Variants in CNTN3 observed in about 807,000 individuals in gnomAD.
CNTN3 encodes contactin-3.
In CNTN3, 60 loss-of-function variants were observed where a neutral mutation model predicts 119.1. That is an observed-to-expected ratio of 0.50 (90% CI 0.41 to 0.62). CNTN3 has a LOEUF of 0.62. Ranked by LOEUF, CNTN3 falls within the 20% of genes least tolerant of loss-of-function variation. The pLI, the probability that CNTN3 is intolerant of heterozygous loss-of-function variation, is 0.00. For synonymous variants in CNTN3, 450 were observed against 438.7 expected (o/e 1.03, Z -0.32); for missense variants, 1,101 against 1,242.4 (o/e 0.89, Z 1.71).
rs759480123 is a variant in CNTN3, at chr3:74,298,154, C to T, written c.2204G>A (p.Gly735Glu). Residue 735 changes from glycine (G) to glutamate (E), a missense_variant, in exon 18 of 23, where the codon GGG becomes GAG. Physicochemically the swap from Gly to Glu is moderately conservative, Grantham distance 98. Transcript: ENST00000263665. ...PEELQNGEGF[G>E]YVVAFRPLGV... ...AAGAGGGCGGAAAGCAACAACATAC[C>T]CAAAACCTTCACCATTCTGTAGTTC... The T allele has an allele frequency of 1.1e-5, 17 of 1,606,778 alleles. No homozygotes were observed. The East Asian group carries it at 3.4e-4, about 32-fold the overall frequency.
intron 16 of CNTN3, 70 bp downstream of exon 16, chr3:74,301,328 G>A (rs1197537993): frequency 6.7e-7 from 1 of 1,499,066 alleles, no homozygotes; most frequent in African/African-American, 1.4e-5. Flanking sequence ...CTGGCCTGGA[G>A]TTCAGGGCCA....
intron 13 of CNTN3, among the ~76,000 whole-genome samples, chr3:74,319,512 A>G (rs1702928217): frequency 6.6e-6 from 1 of 152,184 alleles, no homozygotes; most frequent in Admixed American, 6.5e-5. Flanking sequence ...TACAAAAATT[A>G]ATTCAAGATG....
At chr3:74,502,464 C>A (rs920333438) in intron 2 of CNTN3, among the ~76,000 whole-genome samples, 3 of 152,090 alleles carry the variant, frequency 2.0e-5, no homozygotes, top group Non-Finnish European at 4.4e-5. Flanking sequence ...CTTCTGAGAT[C>A]CTTTTGAGAG....
At chr3:74,338,886 AC>A (rs1703462651) in intron 11 of CNTN3, among the ~76,000 whole-genome samples, 1 of 152,138 alleles carries the variant, frequency 6.6e-6, no homozygotes, top group Non-Finnish European at 1.5e-5. Flanking sequence ...GGAATTAAAA[AC>A]AAAACAAAAC....
At chr3:74,286,901 C>A (rs1336454072) in intron 19 of CNTN3, among the ~76,000 whole-genome samples, 2 of 152,178 alleles carry the variant, frequency 1.3e-5, no homozygotes, top group Admixed American at 6.5e-5. Flanking sequence ...CAGGAATTAA[C>A]TGCATTTCCT....
At chr3:74,489,603 A>C (rs1702925177) in intron 3 of CNTN3, among the ~76,000 whole-genome samples, 1 of 151,546 alleles carries the variant, frequency 6.6e-6, no homozygotes, top group African/African-American at 2.4e-5. Flanking sequence ...TTTTTCCCCT[A>C]GTTTCCTAGT....
intron 11 of CNTN3, among the ~76,000 whole-genome samples, chr3:74,358,855 G>A (rs1307523683): frequency 2.1e-5 from 3 of 145,774 alleles, no homozygotes; most frequent in Non-Finnish European, 4.5e-5. Flanking sequence ...GTGAGAATAT[G>A]CGGTGTTTGG....
At chr3:74,558,761 C>G (rs1455299397) in intron 1 of CNTN3, among the ~76,000 whole-genome samples, 2 of 152,020 alleles carry the variant, frequency 1.3e-5, no homozygotes, top group Non-Finnish European at 2.9e-5. Context: ...GCAGGCAAAT[C>G]ACATGAGGCC....
At chr3:74,567,719 T>C (rs925631517) in intron 1 of CNTN3, among the ~76,000 whole-genome samples, 2 of 152,102 alleles carry the variant, frequency 1.3e-5, no homozygotes, top group Middle Eastern at 3.2e-3. Context: ...GGGTACCTGT[T>C]TTCAAGATGC....
intron 1 of CNTN3, among the ~76,000 whole-genome samples, chr3:74,557,221 C>T (rs1360578163): frequency 6.6e-6 from 1 of 151,956 alleles, no homozygotes; most frequent in Non-Finnish European, 1.5e-5. Context: ...AAATCAAGGT[C>T]CTGAAGATTT....
intron 1 of CNTN3, among the ~76,000 whole-genome samples, chr3:74,609,506 G>A (rs1705045693): frequency 6.6e-6 from 1 of 152,202 alleles, no homozygotes; most frequent in Non-Finnish European, 1.5e-5. Flanking sequence ...TGACCCCAAT[G>A]ATAGCTAAAG....
intron 20 of CNTN3, among the ~76,000 whole-genome samples, chr3:74,283,994 T>C (rs1432292730): frequency 6.6e-6 from 1 of 152,152 alleles, no homozygotes; most frequent in African/African-American, 2.4e-5. Context: ...CTTGCTAAAT[T>C]TGTGCTCTGC....
intron 1 of CNTN3, among the ~76,000 whole-genome samples, chr3:74,581,226 AC>A (rs1338665320): frequency 3.3e-5 from 5 of 152,162 alleles, no homozygotes; most frequent in South Asian, 2.1e-4. Context: ...TTTAAAAAAA[AC>A]ATAAAATCTA....
chr3:74,479,628 T>C (rs2107023810), intron 4 of CNTN3, among the ~76,000 whole-genome samples: 1 of 152,160 alleles, frequency 6.6e-6, no homozygotes, highest in Non-Finnish European at 1.5e-5. Flanking sequence ...ATGGAGGACA[T>C]GACACCCTAA....
chr3:74,423,727 A>T (rs1022267017), intron 5 of CNTN3, among the ~76,000 whole-genome samples: 2 of 152,208 alleles, frequency 1.3e-5, no homozygotes, highest in Non-Finnish European at 2.9e-5. Flanking sequence ...GCAATTATGA[A>T]CACCCTTGAA....
intron 3 of CNTN3, among the ~76,000 whole-genome samples, chr3:74,493,252 T>A (rs984596760): frequency 2.0e-5 from 3 of 152,170 alleles, no homozygotes; most frequent in African/African-American, 7.2e-5. Context: ...GGCTCTAAAT[T>A]GTGTCTTCCA....
chr3:74,565,442 T>C (rs1449313934), intron 1 of CNTN3, among the ~76,000 whole-genome samples: 1 of 152,152 alleles, frequency 6.6e-6, no homozygotes, highest in African/African-American at 2.4e-5. Flanking sequence ...GTGATCACAC[T>C]GGGCCCAAAT....
chr3:74,481,693 T>C (rs1167227904), intron 4 of CNTN3, among the ~76,000 whole-genome samples: 3 of 151,622 alleles, frequency 2.0e-5, no homozygotes, highest in Non-Finnish European at 3.0e-5. Context: ...AGTTAAGTAA[T>C]TTGAAAAGAA....
chr3:74,494,509 A>G (rs1703024360), intron 3 of CNTN3, among the ~76,000 whole-genome samples: 1 of 152,084 alleles, frequency 6.6e-6, no homozygotes, highest in South Asian at 2.1e-4. Flanking sequence ...AGAAGAAATG[A>G]GTAGCCTGGA....
Sources: gnomAD v4.1 joint callset for allele counts (sites outside exome capture counted in the v4.1 genomes callset) on GRCh38, gnomAD v4.1.1 for gene constraint, MANE v1.5 for transcripts, NCBI Gene and HGNC (gene_info 2026-07-23, HGNC 2026-07-21) for gene names.